The following CNTN3 variants were observed in gnomAD, a reference collection of about 807,000 sequenced individuals.
CNTN3 encodes the protein contactin-3.
CNTN3 carries 60 observed loss-of-function variants against 119.1 expected under a neutral mutation model. The observed-to-expected ratio is 0.50, with a 90% CI of 0.41 to 0.62. CNTN3 has a LOEUF of 0.62. Among genes scored for constraint, CNTN3 ranks in the 20% least tolerant of loss-of-function variants. CNTN3 has a pLI of 0.00. For synonymous variants in CNTN3, 450 were observed against 438.7 expected (o/e 1.03, Z -0.32); for missense variants, 1,101 against 1,242.4 (o/e 0.89, Z 1.71).
At chr3:74,333,496 A>G (rs1043144928) in intron 13 of CNTN3, among the ~76,000 whole-genome samples, 1 of 152,140 alleles carries the variant, frequency 6.6e-6, no homozygotes, top group African/African-American at 2.4e-5. Context: ...TAATTGGTCC[A>G]TCTCTCCTCT....
At chr3:74,385,719 T>A (rs986596393) in intron 5 of CNTN3, among the ~76,000 whole-genome samples, 1 of 152,212 alleles carries the variant, frequency 6.6e-6, no homozygotes, top group African/African-American at 2.4e-5. Flanking sequence ...TCCACAAGGA[T>A]TAGGTAATCC....
intron 1 of CNTN3, among the ~76,000 whole-genome samples, chr3:74,594,105 A>G (rs2106691728): frequency 6.6e-6 from 1 of 151,948 alleles, no homozygotes; most frequent in East Asian, 2.0e-4. Context: ...AAGGGCAGGC[A>G]AACTCTGAAT....
At chr3:74,324,664 C>T (rs1401839704) in intron 13 of CNTN3, among the ~76,000 whole-genome samples, 1 of 152,126 alleles carries the variant, frequency 6.6e-6, no homozygotes, top group Non-Finnish European at 1.5e-5. Flanking sequence ...GTAACCTTTA[C>T]GAACATTGGT....
intron 1 of CNTN3, among the ~76,000 whole-genome samples, chr3:74,533,322 A>G (rs1335274343): frequency 6.6e-6 from 1 of 152,052 alleles, no homozygotes; most frequent in Non-Finnish European, 1.5e-5. Context: ...TAAACATACA[A>G]GCAAACATGC....
Position 74,302,756 on chromosome 3 carries a change from T to C in CNTN3, c.1720A>G (p.Lys574Glu). Residue 574 changes from lysine to glutamate, a missense_variant, in exon 14 of 23, where the codon AAA (lysine) becomes GAA (glutamate). Coordinates refer to ENST00000263665, the MANE Select transcript of CNTN3 (RefSeq NM_020872.3). Reference protein sequence around the residue: ...IRNIQLKHSGKYVCMVQTGVD... With the variant: ...IRNIQLKHSGEYVCMVQTGVD... ...CCCGTTTGCACCATACAAACATATT[T>C]CCCACTGTGTTTCAGCTGAATGTTT... 1.2e-6 allele frequency: 2 copies of C among 1,613,232 alleles called. No individual in the cohort carries two copies. The highest frequency in any genetic ancestry group is 2.2e-5 in the South Asian group (2 of 90,900).
At chr3:74,575,616 C>CACAT (rs1553682855) in intron 1 of CNTN3, among the ~76,000 whole-genome samples, 1 of 150,788 alleles carries the variant, frequency 6.6e-6, no homozygotes, top group African/African-American at 2.4e-5. Flanking sequence ...AACACACACA[C>CACAT]ACACACACAC....
chr3:74,553,209 G>A (rs1704019249), intron 1 of CNTN3, among the ~76,000 whole-genome samples: 1 of 151,686 alleles, frequency 6.6e-6, no homozygotes. Flanking sequence ...TCTTGTGATA[G>A]TTTGCTGAGA....
intron 2 of CNTN3, among the ~76,000 whole-genome samples, chr3:74,506,156 GGTTTGT>G (rs1471714863): frequency 2.0e-5 from 3 of 152,052 alleles, no homozygotes; most frequent in African/African-American, 7.2e-5. Context: ...TGTACAAAAT[GGTTTGT>G]GTTTAAGGTT....
intron 1 of CNTN3, among the ~76,000 whole-genome samples, chr3:74,571,453 C>T (rs1416768057): frequency 6.6e-6 from 1 of 152,122 alleles, no homozygotes; most frequent in Non-Finnish European, 1.5e-5. Context: ...CCATCTCTAC[C>T]CCTCATTGAT....
chr3:74,614,433 T>TCGCCGCCGCCGCCGC lies in CNTN3; in HGVS notation c.-138_-124dup, dbSNP rs548175205. On this transcript the variant is annotated 5_prime_UTR_variant, in exon 1 of 23. Coordinates refer to ENST00000263665, the MANE Select transcript of CNTN3 (RefSeq NM_020872.3). Reference sequence around the variant, plus strand: ...CCAGACGCCCGCCCCGACGGCCCACTCGCCGCCGCCGCCGCCGCCGCCGCC... The same window carrying TCGCCGCCGCCGCCGC: ...CCAGACGCCCGCCCCGACGGCCCACTCGCCGCCGCCGCCGCCGCCGCCGCCGCCGCCGCCGCCGCC... Among the ~76,000 whole-genome samples, 17 of 145,446 alleles carry TCGCCGCCGCCGCCGC rather than the reference T, an allele frequency of 1.2e-4. No individual in the cohort carries two copies. The highest frequency in any genetic ancestry group is 8.3e-4 in the East Asian group (4 of 4,824).
At chr3:74,527,825 A>G (rs966841271) in intron 1 of CNTN3, among the ~76,000 whole-genome samples, 11 of 151,926 alleles carry the variant, frequency 7.2e-5, no homozygotes, top group African/African-American at 2.7e-4. Flanking sequence ...CGCTTGTAGC[A>G]TGTTTCAAGA....
At chr3:74,494,989 G>T (rs1703034757) in intron 3 of CNTN3, among the ~76,000 whole-genome samples, 1 of 152,036 alleles carries the variant, frequency 6.6e-6, no homozygotes, top group African/African-American at 2.4e-5. Context: ...AGTTTAAGTT[G>T]CCCAGTAAGA....
chr3:74,582,785 G>T (rs11924239), intron 1 of CNTN3, among the ~76,000 whole-genome samples: 5 of 67,650 alleles, frequency 7.4e-5, no homozygotes, highest in African/African-American at 2.0e-4. Flanking sequence ...GTATGCATTT[G>T]TGTGTGTGTG....
chr3:74,450,608 C>A (rs1157868743), intron 4 of CNTN3, among the ~76,000 whole-genome samples: 5 of 151,010 alleles, frequency 3.3e-5, no homozygotes, highest in African/African-American at 1.2e-4. Context: ...GTGCGCTGCA[C>A]CCACTAACTC....
At chr3:74,536,072 AC>A (rs1703760950) in intron 1 of CNTN3, among the ~76,000 whole-genome samples, 1 of 152,130 alleles carries the variant, frequency 6.6e-6, no homozygotes, top group South Asian at 2.1e-4. Flanking sequence ...ACACTGAGAG[AC>A]AGGACGCATC....
chr3:74,443,505 C>A (rs571175852), intron 4 of CNTN3, among the ~76,000 whole-genome samples: 1 of 152,226 alleles, frequency 6.6e-6, no homozygotes, highest in South Asian at 2.1e-4. Context: ...TTAAGATGAA[C>A]CCAAACTCTT....
At chr3:74,581,106 C>CAGCA (rs1704497594) in intron 1 of CNTN3, among the ~76,000 whole-genome samples, 2 of 152,160 alleles carry the variant, frequency 1.3e-5, no homozygotes, top group African/African-American at 4.8e-5. Flanking sequence ...AATATTTCTA[C>CAGCA]TCACCATTAT....
chr3:74,476,716 C>T, intron 4 of CNTN3, among the ~76,000 whole-genome samples: 1 of 151,970 alleles, frequency 6.6e-6, no homozygotes, highest in Non-Finnish European at 1.5e-5. Flanking sequence ...TAATGATACT[C>T]TGAATAAAGA....
intron 13 of CNTN3, among the ~76,000 whole-genome samples, chr3:74,317,957 T>A (rs902313763): frequency 6.6e-6 from 1 of 152,204 alleles, no homozygotes; most frequent in African/African-American, 2.4e-5. Context: ...CCATTCTCCC[T>A]GTCACTTTCA....
Sources: gnomAD v4.1 joint callset for allele counts (sites outside exome capture counted in the v4.1 genomes callset) on GRCh38, gnomAD v4.1.1 for gene constraint, MANE v1.5 for transcripts, NCBI Gene and HGNC (gene_info 2026-07-23, HGNC 2026-07-21) for gene names.